Variants in ARHGEF6 observed in about 807,000 individuals in gnomAD.
ARHGEF6 encodes the protein rho guanine nucleotide exchange factor 6.
A neutral mutation model predicts 70.3 loss-of-function variants in ARHGEF6; 9 were observed. The observed-to-expected ratio is 0.13, with a 90% confidence interval of 0.08 to 0.22. The LOEUF (loss-of-function observed/expected upper bound fraction) is 0.22. Among genes scored for constraint, ARHGEF6 ranks in the 10% least tolerant of loss-of-function variants. ARHGEF6 has a pLI of 1.00. For missense variants in ARHGEF6, 470 were observed against 563.0 expected (o/e 0.83, Z 1.67); for synonymous variants, 201 against 207.8 (o/e 0.97, Z 0.28).
chrX:136,718,189 A>G (rs1335720271), intron 6 of ARHGEF6, among the ~76,000 whole-genome samples: 1 of 111,888 alleles, frequency 8.9e-6, no homozygotes, highest in Non-Finnish European at 1.9e-5. Flanking sequence ...TCATGTTCAT[A>G]CTAATCAAAA....
intron 6 of ARHGEF6, among the ~76,000 whole-genome samples, chrX:136,727,905 C>T (rs1235744226): frequency 9.1e-6 from 1 of 110,071 alleles, no homozygotes; most frequent in African/African-American, 3.3e-5. Flanking sequence ...AAAAACCCAC[C>T]TTACAACACC....
chrX:136,766,632 C>G (rs1198769972), intron 2 of ARHGEF6, among the ~76,000 whole-genome samples: 4 of 112,436 alleles, frequency 3.6e-5, no homozygotes, highest in African/African-American at 1.3e-4. Flanking sequence ...AGCTCAAATA[C>G]CTGTTGGGTT....
At chrX:136,702,451 T>C (rs5975779) in intron 9 of ARHGEF6, among the ~76,000 whole-genome samples, 6,357 of 112,003 alleles carry the variant, frequency 0.057, 465 homozygotes, top group African/African-American at 0.19. Flanking sequence ...AATGAGACTG[T>C]CAGAGTGGAT....
intron 3 of ARHGEF6, among the ~76,000 whole-genome samples, chrX:136,747,239 CAGTT>C (rs1211502698): frequency 9.0e-6 from 1 of 111,069 alleles, no homozygotes; most frequent in Admixed American, 9.6e-5. Flanking sequence ...TTGTTATACT[CAGTT>C]GGTGATTCAG....
intron 2 of ARHGEF6, among the ~76,000 whole-genome samples, chrX:136,770,879 C>A (rs2077358910): frequency 8.9e-6 from 1 of 111,916 alleles, no homozygotes; most frequent in African/African-American, 3.3e-5. Flanking sequence ...CACCTGTGGT[C>A]ACAGCTACTC....
Position 136,680,832 on chromosome X carries a change from C to T in ARHGEF6, c.1603G>A (p.Asp535Asn), listed in dbSNP as rs1326524065. 6.6e-6 allele frequency: 8 copies of T among 1,211,328 alleles called. No individual in the cohort carries two copies. Among genetic ancestry groups the T allele is most frequent in the South Asian group, 5.3e-5 (3 of 56,987 alleles). Residue 535 changes from aspartate (D) to asparagine (N), a missense_variant, in exon 15 of 22, where the codon GAC becomes AAC. Asp to Asn is a conservative substitution (Grantham distance 23). Around this residue, in one of 3 missense-constraint regions of ARHGEF6, gnomAD observed 379 missense variants for 449.3 expected, o/e 0.84. Coordinates refer to ENST00000250617, the MANE Select transcript of ARHGEF6 (RefSeq NM_004840.3). The part of the protein sequence containing the change: ...RIVVHCNNNQ[D>N]FQEWLEQLNR... Reference sequence around the variant, plus strand: ...AGCTGCTCCAACCATTCCTGGAAGTCCTGGTTGTTGTTACAATGGACCACA... The same window carrying T: ...AGCTGCTCCAACCATTCCTGGAAGTTCTGGTTGTTGTTACAATGGACCACA...
At chrX:136,752,315 G>T (rs2077159848) in intron 2 of ARHGEF6, among the ~76,000 whole-genome samples, 1 of 111,721 alleles carries the variant, frequency 9.0e-6, no homozygotes, top group Admixed American at 9.5e-5. Flanking sequence ...GAGGCACTTG[G>T]CCACATTTGC....
intron 5 of ARHGEF6, among the ~76,000 whole-genome samples, chrX:136,740,396 A>G (rs765980790): frequency 9.0e-6 from 1 of 111,448 alleles, no homozygotes; most frequent in South Asian, 3.8e-4. Context: ...GATGCCAATT[A>G]GGAAGCTGCT....
At chrX:136,708,873 C>T (rs773658066) in intron 7 of ARHGEF6, 103 bp from the exon 8 acceptor site, 382 of 576,811 alleles carry the variant, frequency 6.6e-4, no homozygotes, top group Non-Finnish European at 9.3e-4. Context: ...TATATTTTAA[C>T]TTTTGCTTTT....
intron 18 of ARHGEF6, 100 bp from the exon 19 acceptor site, chrX:136,675,196 A>C: frequency 1.4e-6 from 1 of 731,817 alleles, no homozygotes; most frequent in Non-Finnish European, 2.1e-6. Context: ...TTCTCTGACC[A>C]GTAGAGTTTG....
At chrX:136,767,641 G>A (rs1012485506) in intron 2 of ARHGEF6, 2 of 752,767 alleles carry the variant, frequency 2.7e-6, no homozygotes, top group Admixed American at 1.7e-4. Context: ...CGAGTGGAGG[G>A]GAGCGACTGC....
Sources: allele counts gnomAD v4.1 joint callset (sites outside exome capture counted in the v4.1 genomes callset), GRCh38; gene constraint gnomAD v4.1.1; regional missense constraint gnomAD v4.1.1; transcripts MANE v1.5; gene names NCBI Gene and HGNC (gene_info 2026-07-23, HGNC 2026-07-21).